The following ADGRL3 variants were observed in gnomAD, a reference collection of about 807,000 sequenced individuals.
ADGRL3 encodes the protein adhesion G protein-coupled receptor L3.
In ADGRL3, 62 loss-of-function variants were observed where a neutral mutation model predicts 153.5. That is an observed-to-expected ratio of 0.40 (90% CI 0.33 to 0.50). The LOEUF (loss-of-function observed/expected upper bound fraction) is 0.50. ADGRL3 is among the 20% of genes least tolerant of loss of function. The pLI is 0.47. For missense variants in ADGRL3, 1,641 were observed against 1,859.4 expected (o/e 0.88, Z 2.16); for synonymous variants, 710 against 672.5 (o/e 1.06, Z -0.86).
intron 2 of ADGRL3, among the ~76,000 whole-genome samples, chr4:61,434,192 AT>A (rs1274553889): frequency 6.6e-6 from 1 of 152,090 alleles, no homozygotes; most frequent in Non-Finnish European, 1.5e-5. Context: ...GGAGTGATGG[AT>A]TGATGGGGGC....
At chr4:61,510,296 G>C (rs1286136303) in intron 3 of ADGRL3, among the ~76,000 whole-genome samples, 1 of 152,052 alleles carries the variant, frequency 6.6e-6, no homozygotes, top group African/African-American at 2.4e-5. Flanking sequence ...TGGTTTTGTT[G>C]CAATTGTTTT....
At chr4:61,360,160 G>C (rs1409857924) in intron 1 of ADGRL3, among the ~76,000 whole-genome samples, 3 of 152,090 alleles carry the variant, frequency 2.0e-5, no homozygotes, top group African/African-American at 7.2e-5. Flanking sequence ...ATTCCTGAGA[G>C]GGATCTCAGA....
chr4:61,874,589 T>C (rs1461646847), intron 9 of ADGRL3, among the ~76,000 whole-genome samples: 1 of 125,954 alleles, frequency 7.9e-6, no homozygotes, highest in Non-Finnish European at 1.7e-5. Context: ...CTCGTTTGTT[T>C]GCATGTGTTT....
chr4:61,827,455 C>T (rs2097821036), intron 9 of ADGRL3, among the ~76,000 whole-genome samples: 1 of 152,150 alleles, frequency 6.6e-6, no homozygotes. Flanking sequence ...TCTTTGTATA[C>T]TAAACCTAGC....
intron 1 of ADGRL3, among the ~76,000 whole-genome samples, chr4:61,342,563 C>T (rs1054089682): frequency 3.9e-5 from 6 of 151,992 alleles, no homozygotes; most frequent in African/African-American, 1.4e-4. Flanking sequence ...ATGCCATTAC[C>T]TCTTTCATAT....
chr4:61,909,798 T>TTTAAA, intron 12 of ADGRL3, 53 bp downstream of exon 12: 1 of 1,366,906 alleles, frequency 7.3e-7, no homozygotes, highest in Non-Finnish European at 9.9e-7. Flanking sequence ...TGTGTGTGTG[T>TTTAAA]GTGTCTTTAA....
intron 25 of ADGRL3, among the ~76,000 whole-genome samples, chr4:62,060,411 CT>C (rs916121615): frequency 2.6e-5 from 4 of 151,622 alleles, no homozygotes; most frequent in Non-Finnish European, 4.4e-5. Context: ...ACATTTTGCT[CT>C]TTTTTTAATC....
intron 17 of ADGRL3, among the ~76,000 whole-genome samples, chr4:61,976,691 T>C (rs961822097): frequency 6.6e-6 from 1 of 152,116 alleles, no homozygotes; most frequent in African/African-American, 2.4e-5. Context: ...AAATGGGAGT[T>C]CCCCTGCACA....
intron 2 of ADGRL3, among the ~76,000 whole-genome samples, chr4:61,429,662 AC>A (rs1212104908): frequency 2.6e-5 from 4 of 152,106 alleles, no homozygotes; most frequent in South Asian, 2.1e-4. Flanking sequence ...ATAAATGATT[AC>A]ATTTTTTGTA....
At chr4:61,780,856 A>G (rs1208830193) in intron 8 of ADGRL3, among the ~76,000 whole-genome samples, 1 of 152,216 alleles carries the variant, frequency 6.6e-6, no homozygotes, top group Non-Finnish European at 1.5e-5. Flanking sequence ...TGTTTGTTCC[A>G]GACCCTGTTG....
rs138585631 is a variant in ADGRL3, at chr4:61,335,532, G to A, written c.-239-47592G>A. Among the ~76,000 whole-genome samples the A allele has an allele frequency of 7.2e-5, 11 of 152,136 alleles. No individual in the cohort carries two copies. In the East Asian group the frequency reaches 9.7e-4, roughly 13 times the overall value. On this transcript the variant is annotated intron_variant, in intron 1 of 26. Coordinates refer to ENST00000683033, the MANE Select transcript of ADGRL3 (RefSeq NM_001387552.1). ...CAGTTTATCCATCTATTAACATCCC[G>A]AAATGTCAAAAGCTTCATTTTTTAA... is the stretch of plus-strand genomic sequence containing the variant.
At position 62,073,663 on chromosome 4, in the gene ADGRL3, T is replaced by C. The variant is rs1171435182; in HGVS notation, c.*2755T>C. 1 of 152,136 alleles carries C rather than the reference T, an allele frequency of 6.6e-6. No individual in the cohort carries two copies. Among genetic ancestry groups the C allele is most frequent in the African/African-American group, 2.4e-5 (1 of 41,440 alleles). The allele number at this position is 152,136 out of a possible 1,614,324, so 9.4% of individuals were successfully genotyped here. A position where few individuals can be genotyped will look rare whatever the true frequency, so the allele number is the denominator to read the frequency against. ...CCTCCCTGCCCATTATTTTTGTGTT[T>C]CTATATGGAAATTTGAAGCAGGTAG... On this transcript the variant is annotated 3_prime_UTR_variant, in exon 27 of 27. Transcript: ENST00000683033.
intron 8 of ADGRL3, among the ~76,000 whole-genome samples, chr4:61,767,250 A>G (rs1272334292): frequency 6.6e-6 from 1 of 151,970 alleles, no homozygotes; most frequent in East Asian, 1.9e-4. Flanking sequence ...GAAGCAGATA[A>G]TTTAGTTAAA....
rs74716547 is a variant in ADGRL3, at chr4:61,293,892, A to T, written c.-239-89232A>T. Among the ~76,000 whole-genome samples the T allele has an allele frequency of 1.1e-3, 166 of 152,268 alleles. 1 individual carries two copies. Among genetic ancestry groups the T allele is most frequent in the African/African-American group, 3.7e-3 (155 of 41,580 alleles). On this transcript the variant is annotated intron_variant, in intron 1 of 26. Coordinates refer to ENST00000683033, the MANE Select transcript of ADGRL3 (RefSeq NM_001387552.1). Reference sequence around the variant, plus strand: ...CTCTGCCAGTTTCTCCACTTCACAGATGTGAAAAGGTCTCTTGTGGGTTTT... The same window carrying T: ...CTCTGCCAGTTTCTCCACTTCACAGTTGTGAAAAGGTCTCTTGTGGGTTTT...
chr4:61,644,669 G>A (rs2093873993), intron 5 of ADGRL3, among the ~76,000 whole-genome samples: 1 of 152,124 alleles, frequency 6.6e-6, no homozygotes, highest in Non-Finnish European at 1.5e-5. Context: ...TATAATTTCT[G>A]TTCTTTTACA....
intron 8 of ADGRL3, among the ~76,000 whole-genome samples, chr4:61,772,441 G>A (rs1157547716): frequency 6.6e-6 from 1 of 152,160 alleles, no homozygotes; most frequent in African/African-American, 2.4e-5. Flanking sequence ...CTGGGACTCT[G>A]TAACCAAAGA....
intron 1 of ADGRL3, among the ~76,000 whole-genome samples, chr4:61,290,794 T>G (rs1333735380): frequency 6.6e-6 from 1 of 152,030 alleles, no homozygotes; most frequent in African/African-American, 2.4e-5. Flanking sequence ...TTCTTTTATT[T>G]ACAATGTGTT....
At chr4:61,575,882 A>T (rs2098874689) in intron 4 of ADGRL3, among the ~76,000 whole-genome samples, 1 of 152,068 alleles carries the variant, frequency 6.6e-6, no homozygotes, top group East Asian at 1.9e-4. Context: ...TATTTTATAA[A>T]GACTTTCTAT....
intron 1 of ADGRL3, among the ~76,000 whole-genome samples, chr4:61,366,249 C>G (rs1160260484): frequency 6.6e-6 from 1 of 152,146 alleles, no homozygotes; most frequent in African/African-American, 2.4e-5. Flanking sequence ...TTCTATAAAG[C>G]CATGATTTTA....
Sources: allele counts gnomAD v4.1 joint callset (sites outside exome capture counted in the v4.1 genomes callset), GRCh38; gene constraint gnomAD v4.1.1; transcripts MANE v1.5; gene names NCBI Gene and HGNC (gene_info 2026-07-23, HGNC 2026-07-21).